The following FNDC1 variants were observed in gnomAD, a reference collection of about 807,000 sequenced individuals.
The protein encoded by FNDC1 is fibronectin type III domain-containing protein 1.
Under a neutral mutation model 168.0 loss-of-function variants are expected in FNDC1, and 96 were observed. The ratio of observed to expected loss-of-function variants is 0.57; its 90% CI spans 0.48 to 0.68. The LOEUF (loss-of-function observed/expected upper bound fraction) is 0.68. Among genes scored for constraint, FNDC1 ranks in the 30% least tolerant of loss-of-function variants. FNDC1 has a pLI of 0.00. For missense variants in FNDC1, 2,587 were observed against 2,482.1 expected, an observed-to-expected ratio of 1.04 and a Z score of -0.90; for synonymous variants, 1,099 against 1,025.9, an observed-to-expected ratio of 1.07 and a Z score of -1.36.
rs576019885 is a variant in FNDC1, at chr6:159,264,579, A to T, written c.5255-396A>T. Among the ~76,000 whole-genome samples the T allele has an allele frequency of 4.6e-5, 7 of 152,316 alleles. No individual in the cohort carries two copies. In the South Asian group the frequency reaches 1.5e-3, roughly 32 times the overall value. Reference sequence around the variant, plus strand: ...TATGTGGAAGTGTTTGGATGGACATATGTTTCCATTTCTCTTGGATAAATG... The same window carrying T: ...TATGTGGAAGTGTTTGGATGGACATTTGTTTCCATTTCTCTTGGATAAATG... On this transcript the variant is annotated intron_variant, in intron 19 of 22. Coordinates refer to ENST00000297267, the MANE Select transcript of FNDC1 (RefSeq NM_032532.3).
intron 22 of FNDC1, among the ~76,000 whole-genome samples, chr6:159,271,053 G>T (rs1409912292): frequency 6.6e-6 from 1 of 152,190 alleles, no homozygotes; most frequent in Non-Finnish European, 1.5e-5. Context: ...CTCCAGCATG[G>T]CCCCTGAGTT....
intron 4 of FNDC1, among the ~76,000 whole-genome samples, chr6:159,201,783 A>C (rs1018561680): frequency 6.6e-6 from 1 of 152,262 alleles, no homozygotes; most frequent in Non-Finnish European, 1.5e-5. Flanking sequence ...TGAACCTTTT[A>C]CTGATGGATG....
chr6:159,233,572 G>A lies in FNDC1; in HGVS notation c.3060G>A (p.Gln1020=), dbSNP rs1280946116. The A allele has an allele frequency of 6.3e-7, 1 of 1,589,806 alleles. No individual in the cohort carries two copies. Among genetic ancestry groups the A allele is most frequent in the Non-Finnish European group, 8.5e-7 (1 of 1,171,710 alleles). ...VATSQHHPGP[Q]SRDAGRSPSQ... ...CGTCCCAGCACCACCCGGGACCCCA[G>A]AGCAGAGACGCGGGTCGGTCACCTT... The change falls in exon 11 of 23, where the codon CAG becomes CAA. Residue 1020 remains glutamine, a synonymous_variant. Transcript: ENST00000297267. This position sits in a 1 kb window ranked among gnomAD's most constrained non-coding sequence, Gnocchi z 4.6.
rs1777145346 is a variant in FNDC1 at position 159,246,790 on chromosome 6, G to C, written c.4622-111G>C. 2.3e-5 allele frequency: 17 copies of C among 744,216 alleles called. No homozygotes were observed. In the South Asian group the frequency reaches 2.6e-4, roughly 11 times the overall value. 46.1% of individuals were successfully genotyped at this position (744,216 alleles called of 1,614,324 possible). A position where few individuals can be genotyped will look rare whatever the true frequency, so the allele number is the denominator to read the frequency against. ...ATGGAGACCCTGGCCTTGGGGACTT[G>C]TTTTCATGACCTGCTTGAGGTGAAT... is the stretch of plus-strand genomic sequence containing the variant. On this transcript the variant is annotated intron_variant, in intron 14 of 22. Transcript: ENST00000297267.
At chr6:159,249,330 G>A in intron 16 of FNDC1, 148 bp downstream of exon 16, 1 of 732,098 alleles carries the variant, frequency 1.4e-6, no homozygotes, top group East Asian at 2.7e-5. Context: ...AATTGAGTGA[G>A]TCAGTCTTAT....
chr6:159,175,420 G>C (rs141469642), intron 1 of FNDC1, among the ~76,000 whole-genome samples: 7 of 152,264 alleles, frequency 4.6e-5, no homozygotes, highest in African/African-American at 1.7e-4. Flanking sequence ...AGACACCCCT[G>C]TTCTGGTTGG....
At chr6:159,196,350 C>T (rs552242396) in intron 1 of FNDC1, among the ~76,000 whole-genome samples, 2 of 152,128 alleles carry the variant, frequency 1.3e-5, no homozygotes, top group Non-Finnish European at 2.9e-5. Flanking sequence ...GAGTTCTTTC[C>T]CTTGCTAATC....
intron 12 of FNDC1, among the ~76,000 whole-genome samples, chr6:159,238,102 T>A (rs1337476869): frequency 6.9e-6 from 1 of 143,932 alleles, no homozygotes; most frequent in Non-Finnish European, 1.5e-5. Context: ...TTGTACTTTT[T>A]TTTTTTTTTT....
At chr6:159,175,926 A>C (rs1299632687) in intron 1 of FNDC1, among the ~76,000 whole-genome samples, 1 of 152,214 alleles carries the variant, frequency 6.6e-6, no homozygotes, top group Non-Finnish European at 1.5e-5. Flanking sequence ...GTCAAGGAAA[A>C]ATGCTGAGAA....
chr6:159,191,327 T>G (rs1425604045), intron 1 of FNDC1, among the ~76,000 whole-genome samples: 1 of 152,210 alleles, frequency 6.6e-6, no homozygotes, highest in Non-Finnish European at 1.5e-5. Context: ...ACCAGCAGTT[T>G]TGAGATCCAA....
intron 5 of FNDC1, among the ~76,000 whole-genome samples, chr6:159,219,595 A>T (rs1328627333): frequency 6.6e-6 from 1 of 152,156 alleles, no homozygotes; most frequent in African/African-American, 2.4e-5. Context: ...GTTGAGACTC[A>T]ATGAAGATGC....
At chr6:159,265,632 CA>C (rs1385603376) in intron 20 of FNDC1, among the ~76,000 whole-genome samples, 1 of 152,052 alleles carries the variant, frequency 6.6e-6, no homozygotes, top group Non-Finnish European at 1.5e-5. Flanking sequence ...AAACTTTGCT[CA>C]AAAAAGCCCT....
rs536069441 is a variant in FNDC1, at chr6:159,194,125, C to T, written c.110-3306C>T. ...CCATCTGTCTCCACTCAAAGACAGT[C>T]TTGAATGAGGAAGGACACAGACAGG... On this transcript the variant is annotated intron_variant, in intron 1 of 22. Coordinates refer to ENST00000297267, the MANE Select transcript of FNDC1 (RefSeq NM_032532.3). 2.6e-5 allele frequency among the ~76,000 whole-genome samples: 4 copies of T among 152,330 alleles called. No homozygotes were observed. In the East Asian group the frequency reaches 7.7e-4, roughly 29 times the overall value.
At chr6:159,170,400 T>G (rs1354990240) in intron 1 of FNDC1, among the ~76,000 whole-genome samples, 1 of 152,244 alleles carries the variant, frequency 6.6e-6, no homozygotes, top group Admixed American at 6.5e-5. Flanking sequence ...GGATGGATGC[T>G]TCCTTTGAGA....
chr6:159,185,958 A>G (rs1781989807), intron 1 of FNDC1, among the ~76,000 whole-genome samples: 1 of 152,216 alleles, frequency 6.6e-6, no homozygotes, highest in African/African-American at 2.4e-5. Context: ...ACGGTTATAT[A>G]TTAGTTGGGA....
intron 13 of FNDC1, 26 bp from the exon 14 acceptor site, chr6:159,239,491 A>C: frequency 6.5e-7 from 1 of 1,546,374 alleles, no homozygotes; most frequent in Non-Finnish European, 8.7e-7. Context: ...ACCTTGTTGC[A>C]TAGCTATTGG....
intron 11 of FNDC1, among the ~76,000 whole-genome samples, chr6:159,235,924 T>G (rs1356622825): frequency 6.6e-6 from 1 of 152,240 alleles, no homozygotes; most frequent in Non-Finnish European, 1.5e-5. Flanking sequence ...CTACAGCTAC[T>G]AAGATCTTAA....
intron 1 of FNDC1, among the ~76,000 whole-genome samples, chr6:159,173,066 C>G (rs578150621): frequency 6.6e-6 from 1 of 152,108 alleles, no homozygotes; most frequent in African/African-American, 2.4e-5. Flanking sequence ...TACATATTTT[C>G]GTTTTAATTC....
chr6:159,204,627 C>T (rs529354970), intron 4 of FNDC1, among the ~76,000 whole-genome samples: 104 of 152,336 alleles, frequency 6.8e-4, no homozygotes, highest in African/African-American at 2.4e-3. Flanking sequence ...CTCACTGCTG[C>T]AGTGCTACCT....
Sources: gnomAD v4.1 joint callset for allele counts (sites outside exome capture counted in the v4.1 genomes callset) on GRCh38, gnomAD v4.1.1 for gene constraint, Gnocchi (gnomAD v3.1) non-coding constraint, MANE v1.5 for transcripts, NCBI Gene and HGNC (gene_info 2026-07-23, HGNC 2026-07-21) for gene names.